Variants in ARFGEF3 observed in about 807,000 individuals in gnomAD.
ARFGEF3 encodes ARFGEF family member 3.
In ARFGEF3, 96 loss-of-function variants were observed where a neutral mutation model predicts 221.7. That is an observed-to-expected ratio of 0.43 (90% CI 0.37 to 0.51). The LOEUF (loss-of-function observed/expected upper bound fraction) is 0.51. Among genes scored for constraint, ARFGEF3 ranks in the 20% least tolerant of loss-of-function variants. The pLI is 0.00. For synonymous variants in ARFGEF3, 1,145 were observed against 1,126.8 expected (o/e 1.02, Z -0.32); for missense variants, 2,410 against 2,789.9 (o/e 0.86, Z 3.07).
intron 20 of ARFGEF3, among the ~76,000 whole-genome samples, chr6:138,296,588 C>T (rs1779524372): frequency 6.6e-6 from 1 of 152,124 alleles, no homozygotes; most frequent in African/African-American, 2.4e-5. Flanking sequence ...CCTGTCACGT[C>T]CCAGGTACCG....
At position 138,308,858 on chromosome 6, in the gene ARFGEF3, C is replaced by T. The variant is rs1255238306; in HGVS notation, c.4093C>T (p.Leu1365=). The T allele has an allele frequency of 6.2e-7, 1 of 1,614,006 alleles. No individual in the cohort carries two copies. The highest frequency in any genetic ancestry group is 8.5e-7 in the Non-Finnish European group (1 of 1,179,896). The part of the protein sequence containing the change: ...IMCLMKFVKG[L]GEVDCKEIGD... ...GTGCCTTATGAAGTTTGTCAAAGGACTGGGTAAGCAGAACCCTTCTCTCAT... is the reference window on the plus strand; with the variant it reads ...GTGCCTTATGAAGTTTGTCAAAGGATTGGGTAAGCAGAACCCTTCTCTCAT... The change falls in exon 24 of 34, where the codon CTG becomes TTG. Residue 1365 remains leucine, a synonymous_variant. Coordinates refer to ENST00000251691, the MANE Select transcript of ARFGEF3 (RefSeq NM_020340.5).
At chr6:138,169,004 C>T (rs770578051) in intron 1 of ARFGEF3, among the ~76,000 whole-genome samples, 18 of 152,178 alleles carry the variant, frequency 1.2e-4, no homozygotes, top group Non-Finnish European at 2.4e-4. Context: ...CGTCTAAGGA[C>T]TGTGTCAGGC....
intron 6 of ARFGEF3, among the ~76,000 whole-genome samples, chr6:138,241,760 A>T (rs1718562569): frequency 6.6e-6 from 1 of 152,226 alleles, no homozygotes; most frequent in Non-Finnish European, 1.5e-5. Context: ...CAGGATGTGT[A>T]TCTTCAACCT....
At chr6:138,259,372 T>G (rs1174107978) in intron 10 of ARFGEF3, among the ~76,000 whole-genome samples, 1 of 152,188 alleles carries the variant, frequency 6.6e-6, no homozygotes, top group Non-Finnish European at 1.5e-5. Flanking sequence ...GCACAGCCCC[T>G]TTTCTGCTTC....
At position 138,291,437 on chromosome 6, in the gene ARFGEF3, G is replaced by T. The variant is rs1779402343; in HGVS notation, c.3048-296G>T. On this transcript the variant is annotated intron_variant, in intron 18 of 33. Coordinates refer to ENST00000251691, the MANE Select transcript of ARFGEF3 (RefSeq NM_020340.5). This position sits in a 1 kb window ranked among gnomAD's most constrained non-coding sequence, Gnocchi z 4.5. ...CAGATAAGCCAGTAAGCCGGATGAG[G>T]CAGGGGGACTGGATGAACTGGGCTT... is the stretch of plus-strand genomic sequence containing the variant. 6.6e-6 allele frequency among the ~76,000 whole-genome samples: 1 copy of T among 152,186 alleles called. No homozygotes were observed. Among genetic ancestry groups the T allele is most frequent in the Non-Finnish European group, 1.5e-5 (1 of 68,034 alleles).
At position 138,202,462 on chromosome 6, in the gene ARFGEF3, G is replaced by A. The variant is rs113323769; in HGVS notation, c.138-4580G>A. 4.3e-3 allele frequency among the ~76,000 whole-genome samples: 653 copies of A among 152,222 alleles called. 6 individuals carry two copies. Among genetic ancestry groups the A allele is most frequent in the African/African-American group, 0.014 (599 of 41,528 alleles). ...CCATGAATTTCCTTCTTTTGCATAT[G>A]GGTTCATTTCCAATTGAAGTCAGGG... is the stretch of plus-strand genomic sequence containing the variant. On this transcript the variant is annotated intron_variant, in intron 2 of 33. Coordinates refer to ENST00000251691, the MANE Select transcript of ARFGEF3 (RefSeq NM_020340.5).
chr6:138,332,458 C>T (rs567836747), intron 32 of ARFGEF3, among the ~76,000 whole-genome samples: 1 of 152,128 alleles, frequency 6.6e-6, no homozygotes, highest in African/African-American at 2.4e-5. Context: ...ATCAGGGGGA[C>T]AGACTTGTTT....
intron 19 of ARFGEF3, among the ~76,000 whole-genome samples, chr6:138,293,703 G>C (rs1779455148): frequency 6.6e-6 from 1 of 152,210 alleles, no homozygotes; most frequent in African/African-American, 2.4e-5. Context: ...ACAACGCCTT[G>C]CCATCTTTCA....
intron 22 of ARFGEF3, among the ~76,000 whole-genome samples, chr6:138,304,966 G>A (rs1779693743): frequency 6.6e-6 from 1 of 151,866 alleles, no homozygotes; most frequent in Admixed American, 6.6e-5. Flanking sequence ...GCAACTAATA[G>A]TATTGTTCTT....
At chr6:138,220,296 G>A (rs1222933652) in intron 4 of ARFGEF3, among the ~76,000 whole-genome samples, 7 of 152,120 alleles carry the variant, frequency 4.6e-5, no homozygotes, top group Admixed American at 2.0e-4. Flanking sequence ...AGCCACTGCA[G>A]CCAACCTATT....
chr6:138,295,638 AAAG>A (rs1262732791), intron 20 of ARFGEF3, among the ~76,000 whole-genome samples: 97 of 151,874 alleles, frequency 6.4e-4, no homozygotes, highest in Middle Eastern at 6.8e-3. Flanking sequence ...AAAAAAAAAA[AAAG>A]AAAGAAAGAA....
intron 2 of ARFGEF3, among the ~76,000 whole-genome samples, chr6:138,194,396 G>A (rs1397338821): frequency 6.6e-6 from 1 of 152,164 alleles, no homozygotes; most frequent in Non-Finnish European, 1.5e-5. Flanking sequence ...TTGGCGGAAG[G>A]GCGCTGCTCC....
At chr6:138,229,995 T>C in intron 5 of ARFGEF3, 143 bp downstream of exon 5, 1 of 720,158 alleles carries the variant, frequency 1.4e-6, no homozygotes, top group Non-Finnish European at 2.4e-6. Context: ...AAGGAATTGA[T>C]CTGTGGGAAG....
chr6:138,243,680 G>A (rs1356231300), intron 7 of ARFGEF3, among the ~76,000 whole-genome samples: 1 of 151,420 alleles, frequency 6.6e-6, no homozygotes, highest in African/African-American at 2.4e-5. Flanking sequence ...ATATGTGCCA[G>A]TTAATAATAG....
chr6:138,166,830 G>A (rs559748471), intron 1 of ARFGEF3, among the ~76,000 whole-genome samples: 4 of 152,272 alleles, frequency 2.6e-5, no homozygotes, highest in African/African-American at 9.6e-5. Flanking sequence ...GGCCAAGTAG[G>A]GGAAGAGGGA....
chr6:138,261,275 A>G (rs988717331), intron 10 of ARFGEF3, among the ~76,000 whole-genome samples: 3 of 152,328 alleles, frequency 2.0e-5, no homozygotes, highest in Admixed American at 6.5e-5. Flanking sequence ...AGATTTTTCA[A>G]CAATCCCTCT....
chr6:138,165,488 G>T (rs982600027), intron 1 of ARFGEF3, among the ~76,000 whole-genome samples: 2 of 148,002 alleles, frequency 1.4e-5, no homozygotes, highest in African/African-American at 2.5e-5. Context: ...GAGAGAGGGG[G>T]TCATCCCCCT....
At chr6:138,308,695 G>C in intron 23 of ARFGEF3, 44 bp from the exon 24 acceptor site, 1 of 1,611,008 alleles carries the variant, frequency 6.2e-7, no homozygotes, top group Non-Finnish European at 8.5e-7. Context: ...AAACCCGAGG[G>C]CAGAAACTTA....
intron 2 of ARFGEF3, among the ~76,000 whole-genome samples, chr6:138,185,827 C>T (rs752173024): frequency 2.0e-5 from 3 of 152,194 alleles, no homozygotes; most frequent in Admixed American, 6.5e-5. Context: ...GCTGGTGCTA[C>T]ATGAGTGACC....
Sources: allele counts gnomAD v4.1 joint callset (sites outside exome capture counted in the v4.1 genomes callset), GRCh38; gene constraint gnomAD v4.1.1; non-coding constraint Gnocchi (gnomAD v3.1); transcripts MANE v1.5; gene names NCBI Gene and HGNC (gene_info 2026-07-23, HGNC 2026-07-21).